The following CNST variants were observed in gnomAD, a reference collection of about 807,000 sequenced individuals.
CNST encodes consortin, connexin sorting protein.
Under a neutral mutation model 72.4 loss-of-function variants are expected in CNST, and 39 were observed. That is an observed-to-expected ratio of 0.54 (90% CI 0.42 to 0.70). The LOEUF (loss-of-function observed/expected upper bound fraction) is 0.70, where lower values mean the gene tolerates loss of function less well. Ranked by LOEUF, CNST falls within the 30% of genes least tolerant of loss-of-function variation. The pLI, the probability that CNST is intolerant of heterozygous loss-of-function variation, is 0.00. For synonymous variants in CNST, 332 were observed against 320.1 expected, an observed-to-expected ratio of 1.04 and a Z score of -0.40; for missense variants, 871 against 868.5, an observed-to-expected ratio of 1.00 and a Z score of -0.04.
intron 6 of CNST, among the ~76,000 whole-genome samples, chr1:246,638,639 G>A (rs762270819): frequency 1.3e-5 from 2 of 152,174 alleles, no homozygotes; most frequent in Non-Finnish European, 2.9e-5. Context: ...CCTAGGGGGA[G>A]CAGATTGGCT....
At chr1:246,664,358 C>T (rs1667273112) in intron 10 of CNST, among the ~76,000 whole-genome samples, 1 of 152,068 alleles carries the variant, frequency 6.6e-6, no homozygotes, top group East Asian at 1.9e-4. Context: ...ACTATATGTC[C>T]CAGGTGGCCT....
chr1:246,666,884 G>A lies in CNST; in HGVS notation c.*979G>A, dbSNP rs183265578. ...ATAGAATAAACCAGTACTTTGCTGA[G>A]TGAAATCACCATATAGAATTCAGTA... is the stretch of plus-strand genomic sequence containing the variant. On this transcript the variant is annotated 3_prime_UTR_variant, in exon 11 of 11. Transcript: ENST00000366513. 443 of 152,300 alleles carry A rather than the reference G, an allele frequency of 2.9e-3. 5 individuals carry two copies. Among genetic ancestry groups the A allele is most frequent in the African/African-American group, 0.01 (427 of 41,568 alleles). The allele number at this position is 152,300 out of a possible 1,614,324, so 9.4% of individuals were successfully genotyped here. A position where few individuals can be genotyped will look rare whatever the true frequency, so the allele number is the denominator to read the frequency against.
chr1:246,660,288 T>G lies in CNST; in HGVS notation c.1926T>G (p.Ser642=). The change falls in exon 10 of 11, where the codon TCT becomes TCG. Residue 642 remains serine, a synonymous_variant. Coordinates refer to ENST00000366513, the MANE Select transcript of CNST (RefSeq NM_152609.3). ...DHPAQMQHKP[S]KRRVRFQEID... is the part of the protein sequence containing the mutation. ...CTGCCCAAATGCAACACAAACCATC[T>G]AAGCGAAGAGTGAGATTCCAAGAAA... The G allele has an allele frequency of 6.2e-7, 1 of 1,614,184 alleles. No individual in the cohort carries two copies. The highest frequency in any genetic ancestry group is 8.5e-7 in the Non-Finnish European group (1 of 1,180,018).
intron 1 of CNST, among the ~76,000 whole-genome samples, chr1:246,580,465 G>C (rs114272683): frequency 0.031 from 4,672 of 152,056 alleles, 237 homozygotes; most frequent in African/African-American, 0.1. Context: ...AGAGAGAAAG[G>C]TAAGAACAGT....
chr1:246,646,605 C>T (rs112533861), intron 8 of CNST, among the ~76,000 whole-genome samples: 2 of 152,022 alleles, frequency 1.3e-5, no homozygotes, highest in African/African-American at 2.4e-5. Context: ...CTCAGCCTCC[C>T]GAGTAGCTGG....
chr1:246,629,733 T>C (rs1378485110), intron 3 of CNST, among the ~76,000 whole-genome samples: 1 of 152,198 alleles, frequency 6.6e-6, no homozygotes, highest in African/African-American at 2.4e-5. Context: ...TTGAAATTTT[T>C]TTTTCTTTGT....
At chr1:246,622,224 G>A (rs941291737) in intron 3 of CNST, among the ~76,000 whole-genome samples, 11 of 152,116 alleles carry the variant, frequency 7.2e-5, no homozygotes, top group South Asian at 2.1e-4. Context: ...CATCTACCAG[G>A]CACCAAAGAC....
intron 2 of CNST, among the ~76,000 whole-genome samples, chr1:246,611,987 A>G (rs534760409): frequency 3.8e-4 from 58 of 152,370 alleles, no homozygotes; most frequent in Non-Finnish European, 5.9e-4. Context: ...TAAGTAAAAG[A>G]AACCAGACAC....
intron 3 of CNST, among the ~76,000 whole-genome samples, chr1:246,625,255 G>C (rs930526768): frequency 2.6e-5 from 4 of 152,012 alleles, no homozygotes; most frequent in Admixed American, 6.6e-5. Context: ...GCATTCAACT[G>C]TCAGTATTCT....
In CNST at chr1:246,612,765, G is replaced by A. The variant is rs115126252; in HGVS notation, c.380-8664G>A. ...ATTAGCCAGGGGGTGTGCACTTGTT[G>A]TCCCAGCTACTTCAGAGGCTGCAGT... is the stretch of plus-strand genomic sequence containing the variant. On this transcript the variant is annotated intron_variant, in intron 2 of 10. Coordinates refer to ENST00000366513, the MANE Select transcript of CNST (RefSeq NM_152609.3). Among the ~76,000 whole-genome samples, 1,486 of 152,084 alleles carry A rather than the reference G, an allele frequency of 9.8e-3. 15 individuals are homozygous for A. The highest frequency in any genetic ancestry group is 0.012 in the Non-Finnish European group (783 of 67,996).
intron 10 of CNST, among the ~76,000 whole-genome samples, chr1:246,661,021 T>G (rs10924795): frequency 0.37 from 55,739 of 151,596 alleles, 12,132 homozygotes; most frequent in African/African-American, 0.6. Flanking sequence ...CCAGGCTGGA[T>G]TGCAGTGGCG....
At chr1:246,578,494 A>T (rs1372240342) in intron 1 of CNST, among the ~76,000 whole-genome samples, 1 of 151,898 alleles carries the variant, frequency 6.6e-6, no homozygotes, top group Non-Finnish European at 1.5e-5. Context: ...ACACGGTGAA[A>T]CCCCGTCTCT....
chr1:246,659,987 A>C (rs1451126996), intron 9 of CNST, among the ~76,000 whole-genome samples: 2 of 152,230 alleles, frequency 1.3e-5, no homozygotes, highest in East Asian at 3.8e-4. Flanking sequence ...GGGTTAAAAA[A>C]GGAAACCAGG....
At chr1:246,644,477 T>C (rs189882244) in intron 8 of CNST, among the ~76,000 whole-genome samples, 24 of 152,002 alleles carry the variant, frequency 1.6e-4, no homozygotes, top group African/African-American at 5.5e-4. Context: ...CACATTTAAA[T>C]CTCACTGTAC....
chr1:246,665,972 C>A lies in CNST; in HGVS notation c.*67C>A. 1 of 1,198,358 alleles carries A rather than the reference C, an allele frequency of 8.3e-7. No individual in the cohort carries two copies. Among genetic ancestry groups the A allele is most frequent in the Non-Finnish European group, 1.2e-6 (1 of 834,194 alleles). The allele number at this position is 1,198,358 out of a possible 1,614,324, so 74.2% of individuals were successfully genotyped here. A position where few individuals can be genotyped will look rare whatever the true frequency, so the allele number is the denominator to read the frequency against. The stretch of plus-strand genomic sequence containing the variant: ...GCGGGAGACTTTCTAAACAGTTTTT[C>A]TTTCAGGAATTCTGTAGCATTCCCC... On this transcript the variant is annotated 3_prime_UTR_variant, in exon 11 of 11. Transcript: ENST00000366513.
At chr1:246,592,374 G>A (rs1031558806) in intron 2 of CNST, among the ~76,000 whole-genome samples, 2 of 152,168 alleles carry the variant, frequency 1.3e-5, no homozygotes, top group African/African-American at 4.8e-5. Context: ...TGTAATCCCA[G>A]CTACTCTGGA....
chr1:246,610,844 T>G (rs1018758501), intron 2 of CNST, among the ~76,000 whole-genome samples: 1 of 151,928 alleles, frequency 6.6e-6, no homozygotes, highest in Non-Finnish European at 1.5e-5. Context: ...ACCACAAACA[T>G]TTTTGAATGC....
At chr1:246,646,364 G>C (rs1462730044) in intron 8 of CNST, among the ~76,000 whole-genome samples, 2 of 151,722 alleles carry the variant, frequency 1.3e-5, no homozygotes, top group African/African-American at 4.9e-5. Flanking sequence ...AGAGAACCGA[G>C]TTTGTTCCTT....
At chr1:246,595,723 T>A (rs1420197779) in intron 2 of CNST, among the ~76,000 whole-genome samples, 1 of 152,094 alleles carries the variant, frequency 6.6e-6, no homozygotes, top group Non-Finnish European at 1.5e-5. Context: ...CTTGTAACAC[T>A]TTTTAGAAAA....
Sources: allele counts gnomAD v4.1 joint callset (sites outside exome capture counted in the v4.1 genomes callset), GRCh38; gene constraint gnomAD v4.1.1; transcripts MANE v1.5; gene names NCBI Gene and HGNC (gene_info 2026-07-23, HGNC 2026-07-21).